Variants in NPAS2 observed in about 807,000 individuals in gnomAD.
NPAS2 encodes neuronal PAS domain-containing protein 2.
Under a neutral mutation model 107.5 loss-of-function variants are expected in NPAS2, and 23 were observed. That is an observed-to-expected ratio of 0.21 (90% CI 0.15 to 0.30). The LOEUF is 0.30. NPAS2 is among the 10% of genes least tolerant of loss of function. The pLI is 1.00. For synonymous variants in NPAS2, 403 were observed against 417.5 expected (o/e 0.97, Z 0.42); for missense variants, 756 against 1,043.3 (o/e 0.72, Z 3.79).
At chr2:100,842,066 AGT>A (rs1258987866) in intron 1 of NPAS2, among the ~76,000 whole-genome samples, 1 of 97,424 alleles carries the variant, frequency 1.0e-5, no homozygotes, top group Non-Finnish European at 2.6e-5. Context: ...TTCATGCATG[AGT>A]GTGCATGTAC....
chr2:100,823,755 GGA>G (rs139933739), intron 1 of NPAS2: 1 of 152,344 alleles, frequency 6.6e-6, no homozygotes, highest in Non-Finnish European at 1.5e-5. Context: ...GAGGTGGCAG[GGA>G]GAGAGAGAGG....
chr2:100,967,236 CCTTT>C, intron 10 of NPAS2, among the ~76,000 whole-genome samples: 1 of 140,074 alleles, frequency 7.1e-6, no homozygotes, highest in Admixed American at 7.1e-5. Context: ...AAGTCAGTGT[CCTTT>C]TTTTTTTTTT....
chr2:100,904,875 G>T, intron 2 of NPAS2, 89 bp downstream of exon 2: 1 of 905,034 alleles, frequency 1.1e-6, no homozygotes, highest in Non-Finnish European at 1.8e-6. Flanking sequence ...ACTCTGTGCA[G>T]GTGAGGCCAC....
At chr2:100,961,563 G>C (rs1026421442) in intron 7 of NPAS2, among the ~76,000 whole-genome samples, 1 of 152,146 alleles carries the variant, frequency 6.6e-6, no homozygotes, top group Non-Finnish European at 1.5e-5. Flanking sequence ...CTTTTGGGGG[G>C]TGCATTTTTA....
intron 1 of NPAS2, among the ~76,000 whole-genome samples, chr2:100,849,162 A>G (rs1558804736): frequency 1.3e-5 from 2 of 152,222 alleles, no homozygotes; most frequent in South Asian, 4.1e-4. Context: ...TTCCGCTGGA[A>G]GCATCTGTCA....
At chr2:100,989,129 A>G in intron 17 of NPAS2, 1 of 160,752 alleles carries the variant, frequency 6.2e-6, no homozygotes, top group Admixed American at 6.4e-5. Flanking sequence ...AATGGAATTC[A>G]GAAGTCTGGA....
chr2:100,907,208 A>C (rs953757601), intron 2 of NPAS2, among the ~76,000 whole-genome samples: 1 of 152,198 alleles, frequency 6.6e-6, no homozygotes, highest in Non-Finnish European at 1.5e-5. Flanking sequence ...CGCAGAAATC[A>C]GCAAATATAG....
At chr2:100,982,444 C>T (rs973527048) in intron 16 of NPAS2, 67 bp downstream of exon 16, 23 of 1,572,798 alleles carry the variant, frequency 1.5e-5, no homozygotes, top group Middle Eastern at 2.1e-4. Context: ...CCGCCATTTC[C>T]GGGCAGCCAG....
intron 1 of NPAS2, among the ~76,000 whole-genome samples, chr2:100,863,122 C>T (rs1679046225): frequency 1.3e-5 from 2 of 152,236 alleles, no homozygotes; most frequent in Admixed American, 1.3e-4. Context: ...TTTGAAACAA[C>T]AGCCCGACCT....
At chr2:100,966,214 G>A (rs1676204056) in intron 10 of NPAS2, among the ~76,000 whole-genome samples, 1 of 152,142 alleles carries the variant, frequency 6.6e-6, no homozygotes, top group African/African-American at 2.4e-5. Flanking sequence ...CCGCAGGGCA[G>A]GTCTTCTGGG....
intron 1 of NPAS2, among the ~76,000 whole-genome samples, chr2:100,897,210 G>C (rs1272976832): frequency 6.6e-6 from 1 of 152,014 alleles, no homozygotes; most frequent in Non-Finnish European, 1.5e-5. Context: ...GGACACATGG[G>C]GATTATGGGA....
chr2:100,854,260 C>T (rs758434982), intron 1 of NPAS2, among the ~76,000 whole-genome samples: 2 of 151,114 alleles, frequency 1.3e-5, no homozygotes, highest in Non-Finnish European at 2.9e-5. Flanking sequence ...GGCTCCTAGG[C>T]ATGGAGTGGG....
At position 100,965,907 on chromosome 2, in the gene NPAS2, G is replaced by T; in HGVS notation, c.907+141G>T. 1.7e-6 allele frequency: 1 copy of T among 595,762 alleles called. No individual in the cohort carries two copies. The highest frequency in any genetic ancestry group is 2.1e-5 in the South Asian group (1 of 47,562). 36.9% of individuals were successfully genotyped at this position (595,762 alleles called of 1,614,324 possible). On this transcript the variant is annotated intron_variant, in intron 10 of 20. Transcript: ENST00000335681. The surrounding 1 kb of genome is among the most constrained non-coding windows in gnomAD (Gnocchi z 4.3). The stretch of plus-strand genomic sequence containing the variant: ...TGAGGAACTTGGTTTTCTCTGAGAT[G>T]ATCTGGGGGCATGGTGGAGGCCCCT...
At chr2:100,901,446 A>G in intron 1 of NPAS2, 1 of 840,062 alleles carries the variant, frequency 1.2e-6, no homozygotes, top group Non-Finnish European at 1.4e-6. Context: ...AAGACTCCGG[A>G]GAGTTTGTGT....
At chr2:100,839,321 G>T (rs574750141) in intron 1 of NPAS2, among the ~76,000 whole-genome samples, 2 of 152,192 alleles carry the variant, frequency 1.3e-5, no homozygotes, top group East Asian at 1.9e-4. Flanking sequence ...TAGAGACAGG[G>T]TTTCAGCATG....
chr2:100,910,373 G>A (rs957347800), intron 2 of NPAS2, among the ~76,000 whole-genome samples: 1 of 151,920 alleles, frequency 6.6e-6, no homozygotes, highest in South Asian at 2.1e-4. Flanking sequence ...GTTGCTTCTC[G>A]GGAGAATAGA....
chr2:100,907,305 G>A (rs1019449958), intron 2 of NPAS2, among the ~76,000 whole-genome samples: 5 of 151,908 alleles, frequency 3.3e-5, no homozygotes, highest in Non-Finnish European at 7.4e-5. Flanking sequence ...CTCCCCATTT[G>A]CTTTGGGCCA....
intron 4 of NPAS2, 77 bp from the exon 5 acceptor site, chr2:100,937,676 T>C (rs1684414410): frequency 1.0e-6 from 1 of 998,770 alleles, no homozygotes; most frequent in African/African-American, 1.6e-5. Flanking sequence ...TGTCCTAAAA[T>C]AGTGTCCTCT....
chr2:100,880,647 G>C (rs1355107330), intron 1 of NPAS2, among the ~76,000 whole-genome samples: 1 of 152,154 alleles, frequency 6.6e-6, no homozygotes, highest in Admixed American at 6.5e-5. Flanking sequence ...GTTTCTCTGA[G>C]GAAATAAGAA....
Sources: gnomAD v4.1 joint callset for allele counts (sites outside exome capture counted in the v4.1 genomes callset) on GRCh38, gnomAD v4.1.1 for gene constraint, Gnocchi (gnomAD v3.1) non-coding constraint, MANE v1.5 for transcripts, NCBI Gene and HGNC (gene_info 2026-07-23, HGNC 2026-07-21) for gene names.